The following PHKB variants were observed in gnomAD, a reference collection of about 807,000 sequenced individuals.
PHKB encodes the protein phosphorylase b kinase regulatory subunit beta.
A neutral mutation model predicts 152.1 loss-of-function variants in PHKB; 122 were observed. The observed-to-expected ratio is 0.80, with a 90% CI of 0.69 to 0.93. The LOEUF (loss-of-function observed/expected upper bound fraction) is 0.93, where lower values mean the gene tolerates loss of function less well. Ranked by LOEUF, PHKB falls within the 40% of genes least tolerant of loss-of-function variation. The pLI is 0.00. For missense variants in PHKB, 1,304 were observed against 1,328.4 expected (o/e 0.98, Z 0.29); for synonymous variants, 436 against 464.9 (o/e 0.94, Z 0.80).
intron 14 of PHKB, among the ~76,000 whole-genome samples, chr16:47,635,000 G>A (rs909352737): frequency 4.6e-5 from 7 of 152,150 alleles, no homozygotes; most frequent in Non-Finnish European, 8.8e-5. Context: ...CTGTGAATGG[G>A]TGGGATGGGG....
chr16:47,681,726 T>G (rs190187423), intron 26 of PHKB, among the ~76,000 whole-genome samples: 12 of 152,282 alleles, frequency 7.9e-5, no homozygotes, highest in Admixed American at 2.6e-4. Flanking sequence ...CTTTATCCAA[T>G]TTGCCAGTCT....
intron 7 of PHKB, among the ~76,000 whole-genome samples, chr16:47,548,401 G>T (rs1284817039): frequency 1.3e-5 from 2 of 152,206 alleles, no homozygotes; most frequent in African/African-American, 2.4e-5. Context: ...GAGGCCAGGA[G>T]TTTAAGACCA....
In PHKB at chr16:47,605,344, G is replaced by A. The variant is rs572677303; in HGVS notation, c.1364-5482G>A. ...TGAAGTGTGGCACAAAGAGAAACACGAAGGAAATGCAAAGAAATAAGCTTT... is the reference window on the plus strand; with the variant it reads ...TGAAGTGTGGCACAAAGAGAAACACAAAGGAAATGCAAAGAAATAAGCTTT... On this transcript the variant is annotated intron_variant, in intron 13 of 30. Coordinates refer to ENST00000323584, the MANE Select transcript of PHKB (RefSeq NM_000293.3). Among the ~76,000 whole-genome samples, 63 of 152,256 alleles carry A rather than the reference G, an allele frequency of 4.1e-4. 1 individual carries two copies. Among genetic ancestry groups the A allele is most frequent in the Non-Finnish European group, 2.9e-5 (2 of 68,022 alleles).
intron 1 of PHKB, among the ~76,000 whole-genome samples, chr16:47,489,075 A>G (rs1567276359): frequency 6.6e-6 from 1 of 151,996 alleles, no homozygotes; most frequent in Non-Finnish European, 1.5e-5. Context: ...TTTTTTTGAG[A>G]CAGAGTCTTG....
chr16:47,552,174 C>A (rs1971283382), intron 7 of PHKB, among the ~76,000 whole-genome samples: 1 of 152,090 alleles, frequency 6.6e-6, no homozygotes, highest in Non-Finnish European at 1.5e-5. Flanking sequence ...TCCAGTTTTC[C>A]AGTCTCTGTT....
intron 1 of PHKB, among the ~76,000 whole-genome samples, chr16:47,483,704 A>G (rs1054408552): frequency 1.3e-5 from 2 of 152,220 alleles, no homozygotes; most frequent in South Asian, 2.1e-4. Flanking sequence ...CACACTCAAT[A>G]GAAGAGAACA....
rs555003856 is a variant in PHKB at position 47,472,979 on chromosome 16, A to G, written c.76+11553A>G. 2.6e-5 allele frequency among the ~76,000 whole-genome samples: 4 copies of G among 152,132 alleles called. No individual in the cohort carries two copies. In the East Asian group the frequency reaches 5.8e-4, roughly 22 times the overall value. On this transcript the variant is annotated intron_variant, in intron 1 of 30. Transcript: ENST00000323584. ...ACAAGTAATAGAAAATTGTAACTGC[A>G]TATATTACATATTTAGTCTTGAAGA...
At chr16:47,602,370 G>A (rs1394021573) in intron 13 of PHKB, among the ~76,000 whole-genome samples, 1 of 152,082 alleles carries the variant, frequency 6.6e-6, no homozygotes, top group African/African-American at 2.4e-5. Context: ...AATTTCTTGG[G>A]TTCCCAAAGT....
At chr16:47,469,706 A>G (rs950854302) in intron 1 of PHKB, among the ~76,000 whole-genome samples, 2 of 152,188 alleles carry the variant, frequency 1.3e-5, no homozygotes, top group African/African-American at 4.8e-5. Context: ...CCTCAGCATC[A>G]CGTAATATAC....
At chr16:47,599,073 C>T in intron 13 of PHKB, 1 of 592,518 alleles carries the variant, frequency 1.7e-6, no homozygotes, top group Non-Finnish European at 3.0e-6. Context: ...GGAAGGTTAT[C>T]TCTGGTTAGA....
chr16:47,538,697 A>C (rs1236063476), intron 6 of PHKB, among the ~76,000 whole-genome samples: 1 of 152,078 alleles, frequency 6.6e-6, no homozygotes, highest in South Asian at 2.1e-4. Flanking sequence ...GTGTTTGTTG[A>C]CTCTGAGCAT....
intron 16 of PHKB, among the ~76,000 whole-genome samples, chr16:47,644,860 T>G (rs1164683540): frequency 2.0e-5 from 3 of 152,060 alleles, no homozygotes; most frequent in Admixed American, 1.3e-4. Flanking sequence ...ATATCAAAGG[T>G]GCTTGTGAAA....
At chr16:47,649,483 AAT>A (rs1973196475) in intron 18 of PHKB, among the ~76,000 whole-genome samples, 1 of 152,330 alleles carries the variant, frequency 6.6e-6, no homozygotes, top group African/African-American at 2.4e-5. Context: ...TATTTTGAAA[AAT>A]ATGTTCATAT....
intron 1 of PHKB, among the ~76,000 whole-genome samples, chr16:47,491,227 C>T (rs565724569): frequency 1.3e-5 from 2 of 152,202 alleles, no homozygotes; most frequent in South Asian, 2.1e-4. Context: ...AGGGGACAGA[C>T]ATATAGTTCT....
At position 47,558,783 on chromosome 16, in the gene PHKB, A is replaced by C. The variant is rs545099704; in HGVS notation, c.710+11235A>C. On this transcript the variant is annotated intron_variant, in intron 7 of 30. Transcript: ENST00000323584. ...AGGCTGGTCTTGAGCCCCTGACCTC[A>C]AGTGGTCTTGCCCACCTTGGCCTCC... Among the ~76,000 whole-genome samples the C allele has an allele frequency of 4.6e-5, 7 of 152,302 alleles. No individual in the cohort carries two copies. The South Asian group carries it at 1.5e-3, about 32-fold the overall frequency.
At chr16:47,688,885 G>A (rs1968893842) in intron 26 of PHKB, among the ~76,000 whole-genome samples, 156 bp from the exon 27 acceptor site, 1 of 152,138 alleles carries the variant, frequency 6.6e-6, no homozygotes, top group Non-Finnish European at 1.5e-5. Flanking sequence ...ACATAATCTT[G>A]ATGGAAGTAA....
intron 7 of PHKB, chr16:47,565,471 T>G (rs1230941264): frequency 2.9e-6 from 4 of 1,397,954 alleles, no homozygotes; most frequent in Admixed American, 1.7e-5. Context: ...CACCCAAGCA[T>G]TCTCCTTTGG....
At chr16:47,606,974 A>G (rs1010347919) in intron 13 of PHKB, among the ~76,000 whole-genome samples, 1 of 152,210 alleles carries the variant, frequency 6.6e-6, no homozygotes, top group Non-Finnish European at 1.5e-5. Context: ...ATAGTGCAAC[A>G]GCAATTGAGG....
At chr16:47,580,494 C>T (rs892852319) in intron 8 of PHKB, 136 bp downstream of exon 8, 14 of 603,102 alleles carry the variant, frequency 2.3e-5, no homozygotes, top group Admixed American at 1.4e-4. Context: ...TTGAACTTTT[C>T]CTTTGAAAAT....
Sources: gnomAD v4.1 joint callset for allele counts (sites outside exome capture counted in the v4.1 genomes callset) on GRCh38, gnomAD v4.1.1 for gene constraint, MANE v1.5 for transcripts, NCBI Gene and HGNC (gene_info 2026-07-23, HGNC 2026-07-21) for gene names.